CDC42BPA: variants seen among roughly 807,000 people sequenced by gnomAD.
The protein encoded by CDC42BPA is CDC42 binding protein kinase alpha, also known as serine/threonine-protein kinase MRCK alpha.
CDC42BPA carries 80 observed loss-of-function variants against 223.5 expected under a neutral mutation model. That is an observed-to-expected ratio of 0.36 (90% CI 0.30 to 0.43). The LOEUF (loss-of-function observed/expected upper bound fraction) is 0.43. CDC42BPA is among the 20% of genes least tolerant of loss of function. The pLI is 1.00. For synonymous variants in CDC42BPA, 694 were observed against 718.6 expected (o/e 0.97, Z 0.55); for missense variants, 1,743 against 2,099.9 (o/e 0.83, Z 3.32).
At chr1:227,305,413 A>G (rs114401977) in intron 1 of CDC42BPA, among the ~76,000 whole-genome samples, 19 of 152,256 alleles carry the variant, frequency 1.2e-4, no homozygotes, top group African/African-American at 4.6e-4. Flanking sequence ...ACATTTGTAT[A>G]ATGTCTGCAT....
chr1:227,005,894 C>A (rs1663926304), intron 34 of CDC42BPA, among the ~76,000 whole-genome samples: 2 of 152,196 alleles, frequency 1.3e-5, no homozygotes, highest in South Asian at 4.1e-4. Flanking sequence ...TAAAGGATAG[C>A]CACATAGGTG....
intron 5 of CDC42BPA, among the ~76,000 whole-genome samples, chr1:227,172,649 G>A (rs1348278117): frequency 6.6e-6 from 1 of 152,012 alleles, no homozygotes; most frequent in Non-Finnish European, 1.5e-5. Context: ...GTCCTACCAT[G>A]AGTAGGATAG....
At chr1:227,005,232 G>GT (rs1663766309) in intron 34 of CDC42BPA, 121 bp from the exon 35 acceptor site, 1 of 702,288 alleles carries the variant, frequency 1.4e-6, no homozygotes. Flanking sequence ...ATGACACAGA[G>GT]TAAGGAATGG....
At chr1:227,015,978 T>G (rs1222610549) in intron 34 of CDC42BPA, 102 bp downstream of exon 34, 1 of 683,392 alleles carries the variant, frequency 1.5e-6, no homozygotes, top group Non-Finnish European at 2.6e-6. Flanking sequence ...ATTTCCTCAT[T>G]ACTTTCACAT....
chr1:227,195,326 T>C (rs557078272), intron 4 of CDC42BPA, among the ~76,000 whole-genome samples: 2 of 152,276 alleles, frequency 1.3e-5, no homozygotes, highest in Non-Finnish European at 2.9e-5. Context: ...CCCAAGTAGC[T>C]GGGATTACAG....
intron 4 of CDC42BPA, among the ~76,000 whole-genome samples, chr1:227,196,635 G>A (rs527621159): frequency 3.3e-5 from 5 of 151,854 alleles, no homozygotes; most frequent in Admixed American, 1.3e-4. Context: ...CACCGTGCCC[G>A]GCCCTAAACA....
intron 34 of CDC42BPA, among the ~76,000 whole-genome samples, chr1:227,007,573 C>G (rs1049356294): frequency 1.3e-5 from 2 of 152,184 alleles, no homozygotes; most frequent in African/African-American, 2.4e-5. Context: ...TCAAATGCAA[C>G]AGAACACCAA....
At chr1:227,229,453 A>C (rs1371466000) in intron 2 of CDC42BPA, among the ~76,000 whole-genome samples, 1 of 152,142 alleles carries the variant, frequency 6.6e-6, no homozygotes. Flanking sequence ...GAGTCCTCCA[A>C]CTTTGCTCTT....
intron 30 of CDC42BPA, among the ~76,000 whole-genome samples, chr1:227,027,839 G>A (rs112946708): frequency 8.5e-5 from 13 of 152,278 alleles, no homozygotes; most frequent in African/African-American, 2.9e-4. Flanking sequence ...CAATGAGTCT[G>A]GGTGTGGTGA....
intron 16 of CDC42BPA, among the ~76,000 whole-genome samples, chr1:227,087,091 C>T (rs972347383): frequency 6.6e-6 from 1 of 152,082 alleles, no homozygotes; most frequent in South Asian, 2.1e-4. Context: ...AATTTTGATG[C>T]TCAATTTATC....
intron 21 of CDC42BPA, chr1:227,068,630 T>C (rs893355662): frequency 8.2e-6 from 9 of 1,102,050 alleles, no homozygotes; most frequent in African/African-American, 1.7e-5. Flanking sequence ...GAAGGATGCA[T>C]TGGTTTGAAA....
rs556130299 is a variant in CDC42BPA at position 227,179,825 on chromosome 1, CTATTAA to C, written c.599+13955_599+13960del. On this transcript the variant is annotated intron_variant, in intron 5 of 36. Coordinates refer to ENST00000366766, the MANE Select transcript of CDC42BPA (RefSeq NM_001394014.1). Reference sequence around the variant, plus strand: ...AGAAGTAGTAATATATAAATGACTACTATTAATATTAACTATCAAGGATAATATCTA... The same window carrying C: ...AGAAGTAGTAATATATAAATGACTACTATTAACTATCAAGGATAATATCTA... 1.1e-3 allele frequency among the ~76,000 whole-genome samples: 162 copies of C among 151,010 alleles called. 2 individuals are homozygous for C. Among genetic ancestry groups the C allele is most frequent in the East Asian group, 1.6e-3 (8 of 5,142 alleles).
intron 3 of CDC42BPA, among the ~76,000 whole-genome samples, chr1:227,204,766 T>G (rs1040277887): frequency 6.6e-6 from 1 of 152,146 alleles, no homozygotes; most frequent in Non-Finnish European, 1.5e-5. Flanking sequence ...GCCAAACACA[T>G]GCAGATAGAT....
At chr1:227,243,716 C>A (rs1680394463) in intron 2 of CDC42BPA, among the ~76,000 whole-genome samples, 1 of 151,348 alleles carries the variant, frequency 6.6e-6, no homozygotes, top group African/African-American at 2.4e-5. Context: ...AATACAAGAT[C>A]TTTGGAGAGA....
intron 10 of CDC42BPA, among the ~76,000 whole-genome samples, chr1:227,134,581 AG>A (rs1472435306): frequency 1.3e-5 from 2 of 152,194 alleles, no homozygotes; most frequent in African/African-American, 4.8e-5. Flanking sequence ...AAACATAACA[AG>A]GGGAGGTATT....
intron 16 of CDC42BPA, among the ~76,000 whole-genome samples, chr1:227,082,815 A>G (rs1680997352): frequency 6.6e-6 from 1 of 151,542 alleles, no homozygotes; most frequent in Non-Finnish European, 1.5e-5. Context: ...TTTTGCTGTA[A>G]ATAACACTGT....
chr1:227,054,546 A>G (rs2150874), intron 21 of CDC42BPA, among the ~76,000 whole-genome samples: 21,849 of 152,178 alleles, frequency 0.14, 1,986 homozygotes, highest in South Asian at 0.36. Flanking sequence ...ATGTTTGCTG[A>G]TCCTATGAAA....
chr1:227,019,504 G>A (rs1352802845), intron 32 of CDC42BPA, among the ~76,000 whole-genome samples: 1 of 152,146 alleles, frequency 6.6e-6, no homozygotes. Context: ...ATGGCATCTA[G>A]AATGGTGAAT....
At chr1:227,313,253 C>T (rs1486688888) in intron 1 of CDC42BPA, among the ~76,000 whole-genome samples, 1 of 151,986 alleles carries the variant, frequency 6.6e-6, no homozygotes, top group African/African-American at 2.4e-5. Context: ...TTCATTATAC[C>T]TAAGTTCACT....
Sources: gnomAD v4.1 joint callset for allele counts (sites outside exome capture counted in the v4.1 genomes callset) on GRCh38, gnomAD v4.1.1 for gene constraint, MANE v1.5 for transcripts, NCBI Gene and HGNC (gene_info 2026-07-23, HGNC 2026-07-21) for gene names.